The following GPC5 variants were observed in gnomAD, a reference collection of about 807,000 sequenced individuals.
The protein encoded by GPC5 is glypican-5.
A neutral mutation model predicts 53.9 loss-of-function variants in GPC5; 47 were observed. The ratio of observed to expected loss-of-function variants is 0.87; its 90% CI spans 0.69 to 1.11. GPC5 has a LOEUF of 1.11. Ranked by LOEUF, GPC5 falls within the 50% of genes most tolerant of loss-of-function variation. The pLI is 0.00. For synonymous variants in GPC5, 286 were observed against 263.3 expected, an observed-to-expected ratio of 1.09 and a Z score of -0.84; for missense variants, 748 against 713.1, an observed-to-expected ratio of 1.05 and a Z score of -0.56.
intron 5 of GPC5, among the ~76,000 whole-genome samples, chr13:91,773,096 A>AT (rs2037653969): frequency 6.6e-6 from 1 of 152,184 alleles, no homozygotes; most frequent in Admixed American, 6.6e-5. Context: ...TGATGTACAG[A>AT]GCACCTTCTA....
At chr13:92,326,927 CTGA>C (rs1452833720) in intron 7 of GPC5, among the ~76,000 whole-genome samples, 2 of 152,130 alleles carry the variant, frequency 1.3e-5, no homozygotes, top group African/African-American at 4.8e-5. Flanking sequence ...TCTTGCTCAG[CTGA>C]TGACCTTGGC....
At chr13:91,407,038 G>A (rs1028887397) in intron 1 of GPC5, among the ~76,000 whole-genome samples, 3 of 152,044 alleles carry the variant, frequency 2.0e-5, no homozygotes, top group Non-Finnish European at 4.4e-5. Flanking sequence ...TTCCCTTTTG[G>A]TTCTGTGATT....
chr13:91,914,354 G>T (rs1429697916), intron 6 of GPC5, among the ~76,000 whole-genome samples: 1 of 152,074 alleles, frequency 6.6e-6, no homozygotes, highest in Non-Finnish European at 1.5e-5. Context: ...GTAGATTTAA[G>T]AAACATTTTA....
At chr13:92,079,492 G>A (rs9301776) in intron 6 of GPC5, among the ~76,000 whole-genome samples, 73,633 of 151,930 alleles carry the variant, frequency 0.48, 18,378 homozygotes, top group East Asian at 0.79. Context: ...CATGTGGCTC[G>A]CAGTATTTGT....
intron 2 of GPC5, among the ~76,000 whole-genome samples, chr13:91,606,481 G>C (rs2033371510): frequency 6.7e-6 from 1 of 150,230 alleles, no homozygotes; most frequent in Non-Finnish European, 1.5e-5. Context: ...AAATGAGTTA[G>C]GGAGGATTCC....
intron 2 of GPC5, among the ~76,000 whole-genome samples, chr13:91,526,903 G>A (rs1886112516): frequency 6.6e-6 from 1 of 152,126 alleles, no homozygotes; most frequent in Admixed American, 6.5e-5. Context: ...TAAATCATCA[G>A]ATGTCATGAG....
At chr13:91,415,527 T>G (rs1352696779) in intron 1 of GPC5, among the ~76,000 whole-genome samples, 1 of 152,160 alleles carries the variant, frequency 6.6e-6, no homozygotes, top group African/African-American at 2.4e-5. Flanking sequence ...GTTTCCCCAA[T>G]GAGCCACACC....
chr13:91,622,656 T>C lies in GPC5; in HGVS notation c.326-70531T>C, dbSNP rs1411179155. On this transcript the variant is annotated intron_variant, in intron 2 of 7. Coordinates refer to ENST00000377067, the MANE Select transcript of GPC5 (RefSeq NM_004466.6). ...CTGTTGCACAGCAGTACACATGCCA[T>C]GCGATCTTCCAGCAGCTGTGTCTGC... is the stretch of plus-strand genomic sequence containing the variant. 2.0e-5 allele frequency among the ~76,000 whole-genome samples: 3 copies of C among 152,260 alleles called. No homozygotes were observed. In the East Asian group the frequency reaches 5.8e-4, roughly 29 times the overall value.
chr13:91,407,437 A>G (rs904124435), intron 1 of GPC5, among the ~76,000 whole-genome samples: 1 of 152,220 alleles, frequency 6.6e-6, no homozygotes, highest in African/African-American at 2.4e-5. Context: ...CACAGCTGTT[A>G]TCGTCATGTA....
At chr13:92,301,365 C>T (rs1374206503) in intron 7 of GPC5, among the ~76,000 whole-genome samples, 2 of 152,080 alleles carry the variant, frequency 1.3e-5, no homozygotes, top group African/African-American at 4.8e-5. Context: ...CTAAGGGTCT[C>T]ATTGAACTTG....
intron 6 of GPC5, among the ~76,000 whole-genome samples, chr13:92,099,267 A>C (rs1278305885): frequency 6.6e-6 from 1 of 152,150 alleles, no homozygotes; most frequent in East Asian, 1.9e-4. Context: ...CCTAGAGAAT[A>C]ATGTCCAGGC....
chr13:91,415,740 C>A (rs1164858309), intron 1 of GPC5, among the ~76,000 whole-genome samples: 9 of 7,450 alleles, frequency 1.2e-3, no homozygotes, highest in African/African-American at 2.2e-3. Flanking sequence ...AGTCTTTTTG[C>A]GGGGGTGGGG....
At chr13:91,422,663 T>C (rs1258029130) in intron 1 of GPC5, among the ~76,000 whole-genome samples, 1 of 147,702 alleles carries the variant, frequency 6.8e-6, no homozygotes, top group African/African-American at 2.5e-5. Flanking sequence ...AAACCATTTC[T>C]TACAGTGCTG....
At position 91,693,900 on chromosome 13, in the gene GPC5, T is replaced by C. The variant is rs778093629; in HGVS notation, c.1020+19T>C. ...GGAACAGGTAAGTAGGAGCTCCACATTTTCAGTCTGACTTCTTGTAATTCA... is the reference window on the plus strand; with the variant it reads ...GGAACAGGTAAGTAGGAGCTCCACACTTTCAGTCTGACTTCTTGTAATTCA... On this transcript the variant is annotated intron_variant, in intron 3 of 7. Transcript: ENST00000377067. The C allele has an allele frequency of 2.6e-6, 4 of 1,546,086 alleles. No individual in the cohort carries two copies. The highest frequency in any genetic ancestry group is 1.8e-6 in the Non-Finnish European group (2 of 1,140,198).
intron 7 of GPC5, among the ~76,000 whole-genome samples, chr13:92,682,368 G>A (rs1396261669): frequency 2.0e-5 from 3 of 152,164 alleles, no homozygotes; most frequent in African/African-American, 7.2e-5. Context: ...TTGTTAAAGT[G>A]CACGTAATAG....
At chr13:92,574,124 A>C (rs1254506461) in intron 7 of GPC5, among the ~76,000 whole-genome samples, 1 of 152,146 alleles carries the variant, frequency 6.6e-6, no homozygotes, top group Admixed American at 6.5e-5. Flanking sequence ...TTGCTTAATA[A>C]TTCTTTATAA....
At chr13:91,988,167 C>G (rs2040426342) in intron 6 of GPC5, among the ~76,000 whole-genome samples, 1 of 151,562 alleles carries the variant, frequency 6.6e-6, no homozygotes, top group African/African-American at 2.4e-5. Context: ...GAGGCAGAAG[C>G]CTTCACATTT....
Position 92,517,135 on chromosome 13 carries a change from G to A in GPC5, c.1562-349147G>A, listed in dbSNP as rs1030742557. 2.0e-5 allele frequency among the ~76,000 whole-genome samples: 3 copies of A among 152,232 alleles called. No homozygotes were observed. In the South Asian group the frequency reaches 6.2e-4, roughly 32 times the overall value. On this transcript the variant is annotated intron_variant, in intron 7 of 7. Transcript: ENST00000377067. ...AGGCGGCAGTGAGGCTGGGGGAGGG[G>A]CTCCCACCATTCCTGAGGCTTGTGT...
At chr13:91,849,463 T>A (rs977791605) in intron 5 of GPC5, among the ~76,000 whole-genome samples, 1 of 151,978 alleles carries the variant, frequency 6.6e-6, no homozygotes, top group African/African-American at 2.4e-5. Context: ...CCTTCCAGTA[T>A]TTTTTCATAT....
Sources: gnomAD v4.1 joint callset for allele counts (sites outside exome capture counted in the v4.1 genomes callset) on GRCh38, gnomAD v4.1.1 for gene constraint, MANE v1.5 for transcripts, NCBI Gene and HGNC (gene_info 2026-07-23, HGNC 2026-07-21) for gene names.